ATG7: variants seen among roughly 807,000 people sequenced by gnomAD.
ATG7 encodes the protein ubiquitin-like modifier-activating enzyme ATG7.
A neutral mutation model predicts 82.4 loss-of-function variants in ATG7; 70 were observed. The observed-to-expected ratio is 0.85, with a 90% CI of 0.70 to 1.04. The LOEUF (loss-of-function observed/expected upper bound fraction) is 1.04. Among genes scored for constraint, ATG7 ranks in the 50% least tolerant of loss-of-function variants. The pLI, the probability that ATG7 is intolerant of heterozygous loss-of-function variation, is 0.00. For missense variants in ATG7, 792 were observed against 864.3 expected (o/e 0.92, Z 1.05); for synonymous variants, 287 against 313.0 (o/e 0.92, Z 0.88).
the ATG7 span, among the ~76,000 whole-genome samples, chr3:11,569,845 C>T: frequency 1.3e-5 from 2 of 152,158 alleles, no homozygotes; most frequent in Non-Finnish European, 2.9e-5. Flanking sequence ...CACGCCACTG[C>T]ACTTTAGCCT....
chr3:11,447,969 T>C (rs2084740973), intron 20 of ATG7, among the ~76,000 whole-genome samples: 1 of 152,218 alleles, frequency 6.6e-6, no homozygotes, highest in Admixed American at 6.5e-5. Flanking sequence ...TCCTCTTAGT[T>C]CTATTCCTGT....
chr3:11,395,997 T>C (rs1398222895), intron 19 of ATG7, among the ~76,000 whole-genome samples: 1 of 143,728 alleles, frequency 7.0e-6, no homozygotes, highest in African/African-American at 2.6e-5. Flanking sequence ...GTGAAGGTAT[T>C]AAAGGTATTT....
chr3:11,360,590 A>G lies in ATG7; in HGVS notation c.1489A>G (p.Asn497Asp). 6.2e-7 allele frequency: 1 copy of G among 1,613,418 alleles called. No homozygotes were observed. Among genetic ancestry groups the G allele is most frequent in the African/African-American group, 1.3e-5 (1 of 75,034 alleles). ...TCCTTGAAACCTGCAGCTGGTCATC[A>G]ATGCTGCTTTGGGATTTGACACATT... ...IAASKRKLVINAALGFDTFVV... is the reference protein window; with the variant it reads ...IAASKRKLVIDAALGFDTFVV... The change falls in exon 16 of 21, where the codon AAT becomes GAT. Residue 497 changes from asparagine (N) to aspartate (D), a missense_variant. By Grantham distance (23) the Asn-to-Asp change is conservative. Coordinates refer to ENST00000693202, the MANE Select transcript of ATG7 (RefSeq NM_001349232.2).
At chr3:11,366,806 G>T (rs781532694) in intron 18 of ATG7, among the ~76,000 whole-genome samples, 1 of 151,824 alleles carries the variant, frequency 6.6e-6, no homozygotes, top group Non-Finnish European at 1.5e-5. Flanking sequence ...AATCCCTCTC[G>T]GTGTTATTTA....
rs1196827290 is a variant in ATG7, at chr3:11,488,664, G to C, written c.2079+61738G>C. On this transcript the variant is annotated intron_variant, in intron 20 of 20. Coordinates refer to ENST00000693202, the MANE Select transcript of ATG7 (RefSeq NM_001349232.2). ...CGGCGCCGTGACCTCCTCTCAAGATGTGAATGATTCTTCTGGTTCTGTTTA... is the reference window on the plus strand; with the variant it reads ...CGGCGCCGTGACCTCCTCTCAAGATCTGAATGATTCTTCTGGTTCTGTTTA... 2.0e-5 allele frequency among the ~76,000 whole-genome samples: 3 copies of C among 152,184 alleles called. No homozygotes were observed. The East Asian group carries it at 5.8e-4, about 29-fold the overall frequency.
chr3:11,512,187 C>A lies in ATG7; in HGVS notation c.2080-42624C>A, dbSNP rs571690102. On this transcript the variant is annotated intron_variant, in intron 20 of 20. Transcript: ENST00000693202. The stretch of plus-strand genomic sequence containing the variant: ...CTTCACCCACCCAGTGACCTTGAGT[C>A]TCCTTAACTTTCCAACTAGCCTACC... Among the ~76,000 whole-genome samples the A allele has an allele frequency of 6.6e-5, 10 of 152,302 alleles. No individual in the cohort carries two copies. The South Asian group carries it at 2.1e-3, about 32-fold the overall frequency.
intron 20 of ATG7, among the ~76,000 whole-genome samples, chr3:11,484,449 A>C (rs1475477512): frequency 1.3e-5 from 2 of 152,238 alleles, no homozygotes; most frequent in Non-Finnish European, 2.9e-5. Context: ...CAAAAGGGTT[A>C]AGTCTTCAAA....
intron 18 of ATG7, among the ~76,000 whole-genome samples, chr3:11,367,644 G>A (rs2152823469): frequency 6.6e-6 from 1 of 151,988 alleles, no homozygotes; most frequent in South Asian, 2.1e-4. Flanking sequence ...CTGGCCAAGT[G>A]CCAAAAAAAG....
intron 19 of ATG7, among the ~76,000 whole-genome samples, chr3:11,384,177 C>G (rs2078135450): frequency 6.6e-6 from 1 of 152,142 alleles, no homozygotes; most frequent in Non-Finnish European, 1.5e-5. Flanking sequence ...TTTTTCAGAC[C>G]TGCAGAGTCA....
intron 19 of ATG7, among the ~76,000 whole-genome samples, chr3:11,413,233 T>C (rs1322892614): frequency 5.3e-5 from 8 of 152,234 alleles, no homozygotes; most frequent in Admixed American, 5.2e-4. Context: ...TAGGCATCCT[T>C]GCCTTTTTCC....
intron 20 of ATG7, among the ~76,000 whole-genome samples, chr3:11,527,348 C>T (rs993831824): frequency 1.3e-5 from 2 of 152,164 alleles, no homozygotes; most frequent in African/African-American, 4.8e-5. Flanking sequence ...ATCCACTCAC[C>T]TTGGCCTCCC....
At chr3:11,278,461 C>T (rs115346046) in intron 1 of ATG7, among the ~76,000 whole-genome samples, 2,099 of 152,312 alleles carry the variant, frequency 0.014, 44 homozygotes, top group African/African-American at 0.047. Context: ...GTTCAGGGTC[C>T]GTGACTTCCC....
At chr3:11,540,489 A>AAAAATG (rs2125020413) in intron 20 of ATG7, among the ~76,000 whole-genome samples, 1 of 49,442 alleles carries the variant, frequency 2.0e-5, no homozygotes, top group East Asian at 8.7e-4. Context: ...AAATAAAAAT[A>AAAAATG]AATTCACTGG....
At chr3:11,383,219 G>A (rs940601499) in intron 19 of ATG7, among the ~76,000 whole-genome samples, 7 of 152,088 alleles carry the variant, frequency 4.6e-5, no homozygotes, top group East Asian at 1.9e-4. Flanking sequence ...TTTAGTTGTC[G>A]TGTCTCTGGC....
At chr3:11,564,564 G>A in the ATG7 span, among the ~76,000 whole-genome samples, 1 of 151,604 alleles carries the variant, frequency 6.6e-6, no homozygotes, top group African/African-American at 2.4e-5. Flanking sequence ...AGTGCTAAGA[G>A]GCAAGGCCCG....
Position 11,307,051 on chromosome 3 carries a change from A to G in ATG7, c.324A>G (p.Ala108=). The change falls in exon 6 of 21, where the codon GCA becomes GCG. Residue 108 remains alanine, a synonymous_variant. Coordinates refer to ENST00000693202, the MANE Select transcript of ATG7 (RefSeq NM_001349232.2). ...ATAAGAAGCTCCTTTTGGAACAAGCAGCAAATGAGGTTAGCTGTGAAAACG... is the reference window on the plus strand; with the variant it reads ...ATAAGAAGCTCCTTTTGGAACAAGCGGCAAATGAGGTTAGCTGTGAAAACG... ...TADKKLLLEQ[A]ANEIWESIKS... is the part of the protein sequence containing the mutation. 1 of 1,612,960 alleles carries G rather than the reference A, an allele frequency of 6.2e-7. No individual in the cohort carries two copies. Among genetic ancestry groups the G allele is most frequent in the Non-Finnish European group, 8.5e-7 (1 of 1,178,868 alleles).
chr3:11,517,082 C>CA (rs2092303933), intron 20 of ATG7, among the ~76,000 whole-genome samples: 1 of 151,264 alleles, frequency 6.6e-6, no homozygotes, highest in Non-Finnish European at 1.5e-5. Flanking sequence ...GACCCTGTCT[C>CA]AAAAAACAAA....
At chr3:11,473,526 C>CT (rs2087780760) in intron 20 of ATG7, among the ~76,000 whole-genome samples, 1 of 152,136 alleles carries the variant, frequency 6.6e-6, no homozygotes, top group Non-Finnish European at 1.5e-5. Context: ...TCTACTAACC[C>CT]TGAAAGGCCG....
At position 11,515,712 on chromosome 3, in the gene ATG7, A is replaced by G. The variant is rs1222033093; in HGVS notation, c.2080-39099A>G. 3.9e-5 allele frequency among the ~76,000 whole-genome samples: 6 copies of G among 152,186 alleles called. No homozygotes were observed. The East Asian group carries it at 9.6e-4, about 24-fold the overall frequency. On this transcript the variant is annotated intron_variant, in intron 20 of 20. Transcript: ENST00000693202. Reference sequence around the variant, plus strand: ...CTCTCTTTCTCTCTCTCTCATACACATACACATCAGTTTTATCACATGTGA... The same window carrying G: ...CTCTCTTTCTCTCTCTCTCATACACGTACACATCAGTTTTATCACATGTGA...
Sources: gnomAD v4.1 joint callset for allele counts (sites outside exome capture counted in the v4.1 genomes callset) on GRCh38, gnomAD v4.1.1 for gene constraint, MANE v1.5 for transcripts, NCBI Gene and HGNC (gene_info 2026-07-23, HGNC 2026-07-21) for gene names.